ITGA6: variants seen among roughly 807,000 people sequenced by gnomAD.
ITGA6 encodes integrin subunit alpha 6, also known as integrin alpha-6.
A neutral mutation model predicts 133.6 loss-of-function variants in ITGA6; 63 were observed. The observed-to-expected ratio is 0.47, with a 90% confidence interval of 0.38 to 0.58. The LOEUF (loss-of-function observed/expected upper bound fraction) is 0.58, where lower values mean the gene tolerates loss of function less well. ITGA6 is among the 20% of genes least tolerant of loss of function. The pLI is 0.00. For synonymous variants in ITGA6, 434 were observed against 482.0 expected, an observed-to-expected ratio of 0.90 and a Z score of 1.30; for missense variants, 1,068 against 1,309.4, an observed-to-expected ratio of 0.82 and a Z score of 2.85.
chr2:172,479,521 A>G (rs1232166116), intron 9 of ITGA6, 120 bp from the exon 10 acceptor site: 3 of 824,782 alleles, frequency 3.6e-6, no homozygotes, highest in Non-Finnish European at 6.4e-6. Flanking sequence ...CGTCACGTGT[A>G]TTTTTTTTCC....
intron 1 of ITGA6, among the ~76,000 whole-genome samples, chr2:172,437,617 C>G (rs1478564840): frequency 2.0e-5 from 3 of 152,008 alleles, no homozygotes; most frequent in Non-Finnish European, 4.4e-5. Flanking sequence ...GTTATTTAGG[C>G]AGTTGAGTAA....
intron 1 of ITGA6, among the ~76,000 whole-genome samples, chr2:172,453,417 A>G (rs1323512342): frequency 6.6e-6 from 1 of 152,206 alleles, no homozygotes; most frequent in Admixed American, 6.5e-5. Context: ...AGTCCCAGCT[A>G]CTTGGGCTGA....
chr2:172,440,788 T>C (rs1489843743), intron 1 of ITGA6, among the ~76,000 whole-genome samples: 1 of 152,220 alleles, frequency 6.6e-6, no homozygotes, highest in Non-Finnish European at 1.5e-5. Flanking sequence ...AAATTGCAAC[T>C]AATAAAATGC....
chr2:172,448,205 C>G (rs999620749), intron 1 of ITGA6, among the ~76,000 whole-genome samples: 2 of 151,960 alleles, frequency 1.3e-5, no homozygotes, highest in African/African-American at 4.8e-5. Context: ...TTAATTTTGC[C>G]TTTAGCACAG....
chr2:172,502,353 G>T (rs532401238), intron 25 of ITGA6, among the ~76,000 whole-genome samples: 1 of 152,150 alleles, frequency 6.6e-6, no homozygotes, highest in African/African-American at 2.4e-5. Flanking sequence ...CCTGTTGCAT[G>T]TTGGAAATGT....
intron 1 of ITGA6, among the ~76,000 whole-genome samples, chr2:172,454,231 G>T (rs192497918): frequency 6.6e-6 from 1 of 151,882 alleles, no homozygotes; most frequent in Non-Finnish European, 1.5e-5. Context: ...CTACAGGTGC[G>T]TGCCACCGTG....
chr2:172,433,805 T>C (rs1684206838), intron 1 of ITGA6, among the ~76,000 whole-genome samples: 1 of 152,194 alleles, frequency 6.6e-6, no homozygotes, highest in South Asian at 2.1e-4. Flanking sequence ...AGCCATGCCT[T>C]CTACTTAGCA....
intron 11 of ITGA6, among the ~76,000 whole-genome samples, chr2:172,484,563 T>A (rs1398368630): frequency 2.0e-5 from 3 of 152,144 alleles, no homozygotes; most frequent in Non-Finnish European, 4.4e-5. Flanking sequence ...GGTGGCACAA[T>A]GAAAATTTAA....
intron 2 of ITGA6, 194 bp downstream of exon 2, chr2:172,465,857 T>C (rs1685646764): frequency 2.5e-6 from 2 of 796,098 alleles, no homozygotes; most frequent in African/African-American, 3.4e-5. Context: ...TGCCGCGTGT[T>C]TTGCTGCTCC....
Position 172,427,805 on chromosome 2 carries a change from A to T in ITGA6, c.17A>T (p.Gln6Leu). 10 of 1,598,246 alleles carry T rather than the reference A, an allele frequency of 6.3e-6. No individual in the cohort carries two copies. Among genetic ancestry groups the T allele is most frequent in the Non-Finnish European group, 6.8e-6 (8 of 1,173,656 alleles). The change falls in exon 1 of 26, where the codon CAG becomes CTG. Residue 6 changes from glutamine to leucine, a missense_variant. Coordinates refer to ENST00000684293, the MANE Select transcript of ITGA6 (RefSeq NM_000210.4). ...CGTCCGCCCATGGCCGCCGCCGGGC[A>T]GCTGTGCTTGCTCTACCTGTCGGCG... MAAAG[Q>L]LCLLYLSAGL...
At chr2:172,475,388 G>A (rs952031290) in intron 7 of ITGA6, among the ~76,000 whole-genome samples, 75 of 152,076 alleles carry the variant, frequency 4.9e-4, no homozygotes, top group African/African-American at 1.6e-3. Flanking sequence ...GCTTGAACCC[G>A]GGAGGCAGTG....
intron 1 of ITGA6, among the ~76,000 whole-genome samples, chr2:172,460,063 G>GGTCA (rs1685368868): frequency 1.3e-5 from 2 of 152,250 alleles, no homozygotes; most frequent in Admixed American, 1.3e-4. Flanking sequence ...TAGAATGTAA[G>GGTCA]AATAGCAAGT....
At chr2:172,490,966 T>C in intron 20 of ITGA6, 58 bp from the exon 21 acceptor site, 1 of 892,568 alleles carries the variant, frequency 1.1e-6, no homozygotes, top group East Asian at 2.4e-5. Flanking sequence ...AAGAGGCTTG[T>C]ATGGTAATGA....
rs554461491 is a variant in ITGA6 at position 172,432,691 on chromosome 2, T to C, written c.182+4721T>C. Among the ~76,000 whole-genome samples the C allele has an allele frequency of 2.0e-5, 3 of 152,322 alleles. No individual in the cohort carries two copies. The South Asian group carries it at 6.2e-4, about 32-fold the overall frequency. ...GTTCCAGCTAAGGGATTTTCATGAG[T>C]GTTTGTAAATTTCACCTGGCTTTTG... On this transcript the variant is annotated intron_variant, in intron 1 of 25. Transcript: ENST00000684293.
intron 11 of ITGA6, among the ~76,000 whole-genome samples, chr2:172,482,807 TGTCA>T (rs1486338173): frequency 6.6e-6 from 1 of 152,202 alleles, no homozygotes. Context: ...CTATTGAAAC[TGTCA>T]GTGTTTCTAA....
chr2:172,445,382 G>T (rs1684720639), intron 1 of ITGA6, among the ~76,000 whole-genome samples: 1 of 146,986 alleles, frequency 6.8e-6, no homozygotes. Flanking sequence ...GGGCGCGGTG[G>T]CTCACGCCTG....
chr2:172,497,318 C>T (rs79474289), intron 23 of ITGA6, among the ~76,000 whole-genome samples: 1 of 151,622 alleles, frequency 6.6e-6, no homozygotes, highest in Non-Finnish European at 1.5e-5. Context: ...ACAACATAGA[C>T]CCTGTCTCAA....
chr2:172,486,155 A>G (rs539671258), intron 13 of ITGA6, among the ~76,000 whole-genome samples: 1 of 147,652 alleles, frequency 6.8e-6, no homozygotes, highest in South Asian at 2.3e-4. Context: ...AGCCTGGGCA[A>G]AAAGAGTAAG....
intron 1 of ITGA6, among the ~76,000 whole-genome samples, chr2:172,461,963 G>A (rs142813171): frequency 1.6e-4 from 24 of 152,288 alleles, no homozygotes; most frequent in African/African-American, 5.1e-4. Context: ...TATTGTTCCT[G>A]CTAGGCACAG....
Sources: gnomAD v4.1 joint callset for allele counts (sites outside exome capture counted in the v4.1 genomes callset) on GRCh38, gnomAD v4.1.1 for gene constraint, MANE v1.5 for transcripts, NCBI Gene and HGNC (gene_info 2026-07-23, HGNC 2026-07-21) for gene names.